The following PLEKHH1 variants were observed in gnomAD, a reference collection of about 807,000 sequenced individuals.
The protein encoded by PLEKHH1 is pleckstrin homology, MyTH4 and FERM domain containing H1, also known as pleckstrin homology domain-containing family H member 1.
In PLEKHH1, 104 loss-of-function variants were observed where a neutral mutation model predicts 160.0. The observed-to-expected ratio is 0.65, with a 90% confidence interval of 0.55 to 0.76. PLEKHH1 has a LOEUF of 0.76. PLEKHH1 is among the 30% of genes least tolerant of loss of function. PLEKHH1 has a pLI of 0.00. For synonymous variants in PLEKHH1, 619 were observed against 678.4 expected (o/e 0.91, Z 1.36); for missense variants, 1,427 against 1,724.1 (o/e 0.83, Z 3.05).
In PLEKHH1 at chr14:67,581,045, A is replaced by C. The variant is rs983521765; in HGVS notation, c.3284+7A>C. 4 of 1,581,776 alleles carry C rather than the reference A, an allele frequency of 2.5e-6. No homozygotes were observed. In the African/African-American group the frequency reaches 5.4e-5, roughly 21 times the overall value. Reference sequence around the variant, plus strand: ...AGCTGATGTACAAGAACAGGTCCTAAGCACTGCACGAGGGTGGGGCCAAAC... The same window carrying C: ...AGCTGATGTACAAGAACAGGTCCTACGCACTGCACGAGGGTGGGGCCAAAC... On this transcript the variant is annotated splice_region_variant and intron_variant, in intron 23 of 28. Transcript: ENST00000329153.
chr14:67,572,427 T>C (rs1455549126), intron 11 of PLEKHH1, 150 bp downstream of exon 11: 7 of 645,846 alleles, frequency 1.1e-5, no homozygotes, highest in Non-Finnish European at 1.6e-5. Flanking sequence ...TGGGGGGGTG[T>C]ACAGTTATGG....
At chr14:67,567,058 TG>T (rs2035133624) in intron 7 of PLEKHH1, among the ~76,000 whole-genome samples, 1 of 152,272 alleles carries the variant, frequency 6.6e-6, no homozygotes, top group Admixed American at 6.5e-5. Flanking sequence ...TCATCCTGTT[TG>T]CAATCCCCTT....
chr14:67,568,972 G>A, intron 7 of PLEKHH1, 166 bp from the exon 8 acceptor site: 2 of 589,376 alleles, frequency 3.4e-6, no homozygotes, highest in Non-Finnish European at 6.1e-6. Flanking sequence ...TAGAGCAGAG[G>A]AAAATGAGTC....
At position 67,582,288 on chromosome 14, in the gene PLEKHH1, G is replaced by A; in HGVS notation, c.3426+78G>A. On this transcript the variant is annotated intron_variant, in intron 24 of 28. Transcript: ENST00000329153. The surrounding 1 kb of genome is among the most constrained non-coding windows in gnomAD (Gnocchi z 5.0). ...GCACCATGCAGCCTGAAACACAGGAGAGATTCTGCAGATCCTGTGGTGCTC... is the reference window on the plus strand; with the variant it reads ...GCACCATGCAGCCTGAAACACAGGAAAGATTCTGCAGATCCTGTGGTGCTC... 6.2e-7 allele frequency: 1 copy of A among 1,604,494 alleles called. No homozygotes were observed. The highest frequency in any genetic ancestry group is 1.3e-5 in the African/African-American group (1 of 74,910).
Position 67,579,798 on chromosome 14 carries a change from A to G in PLEKHH1, c.3105A>G (p.Pro1035=). Residue 1035 remains proline, a synonymous_variant, in exon 22 of 29, where the codon CCA becomes CCG. Transcript: ENST00000329153. ...RLNQEIGMRK[P]SHSGFALFTD... ...ACCAGGAGATAGGCATGAGAAAGCC[A>G]TCCCACTCTGGCTTTGCCCTCTTCA... 6.2e-7 allele frequency: 1 copy of G among 1,611,678 alleles called. No individual in the cohort carries two copies. Among genetic ancestry groups the G allele is most frequent in the East Asian group, 2.2e-5 (1 of 44,846 alleles).
chr14:67,539,412 G>A (rs982147849), intron 1 of PLEKHH1, among the ~76,000 whole-genome samples: 9 of 152,290 alleles, frequency 5.9e-5, no homozygotes, highest in Admixed American at 2.0e-4. Flanking sequence ...TGTGTTCTGA[G>A]GAACCAAGAA....
chr14:67,571,219 G>A (rs2035359120), intron 9 of PLEKHH1: 1 of 158,840 alleles, frequency 6.3e-6, no homozygotes, highest in Middle Eastern at 3.1e-3. Context: ...GAGTTCTAGA[G>A]GTGGGATTTC....
chr14:67,586,744 AC>A, intron 28 of PLEKHH1: 1 of 1,220,398 alleles, frequency 8.2e-7, no homozygotes, highest in Non-Finnish European at 1.1e-6. Context: ...CTCCTTTAAT[AC>A]CACCCCTGCT....
Position 67,558,549 on chromosome 14 carries a change from G to C in PLEKHH1, c.340-1059G>C, listed in dbSNP as rs150646608. The stretch of plus-strand genomic sequence containing the variant: ...AGTTAGAAGTGGCAGCATCTTGGGG[G>C]TTGGTGGACAAAATGACTCCTGCTA... On this transcript the variant is annotated intron_variant, in intron 4 of 28. Coordinates refer to ENST00000329153, the MANE Select transcript of PLEKHH1 (RefSeq NM_020715.3). Among the ~76,000 whole-genome samples, 1,271 of 152,286 alleles carry C rather than the reference G, an allele frequency of 8.3e-3. 25 individuals are homozygous for C. The highest frequency in any genetic ancestry group is 0.029 in the African/African-American group (1,220 of 41,550).
intron 2 of PLEKHH1, among the ~76,000 whole-genome samples, chr14:67,552,864 C>A (rs1437818357): frequency 6.6e-6 from 1 of 151,932 alleles, no homozygotes. Flanking sequence ...TGGGAGGATA[C>A]CCCAGGGGAG....
chr14:67,580,182 C>T, intron 22 of PLEKHH1: 2 of 285,074 alleles, frequency 7.0e-6, no homozygotes, highest in Non-Finnish European at 1.3e-5. Context: ...CCCACGAAGC[C>T]ACTGCCTACA....
Position 67,573,886 on chromosome 14 carries a change from A to G in PLEKHH1, c.1925A>G (p.Gln642Arg). The G allele has an allele frequency of 1.2e-6, 2 of 1,608,130 alleles. No individual in the cohort carries two copies. Among genetic ancestry groups the G allele is most frequent in the South Asian group, 2.2e-5 (2 of 90,978 alleles). Reference sequence around the variant, plus strand: ...CGAGGGGAGGGTTCACAGACGTTTCAGGTGAGCACGCTCCTGGCTGCTAGT... The same window carrying G: ...CGAGGGGAGGGTTCACAGACGTTTCGGGTGAGCACGCTCCTGGCTGCTAGT... Reference protein sequence around the residue: ...IVRGEGSQTFQLISEKKTYYL... With the variant: ...IVRGEGSQTFRLISEKKTYYL... The change falls in exon 13 of 29, where the codon CAG becomes CGG. Residue 642 changes from glutamine to arginine, a missense_variant and splice_region_variant. Physicochemically the swap from Gln to Arg is conservative, Grantham distance 43. Coordinates refer to ENST00000329153, the MANE Select transcript of PLEKHH1 (RefSeq NM_020715.3). This position sits in a 1 kb window ranked among gnomAD's most constrained non-coding sequence, Gnocchi z 4.8.
Position 67,575,871 on chromosome 14 carries a change from G to A in PLEKHH1, c.2218G>A (p.Asp740Asn), listed in dbSNP as rs2035603938. The A allele has an allele frequency of 6.2e-7, 1 of 1,613,994 alleles. No individual in the cohort carries two copies. Among genetic ancestry groups the A allele is most frequent in the Non-Finnish European group, 8.5e-7 (1 of 1,179,870 alleles). The stretch of plus-strand genomic sequence containing the variant: ...GCGGGATGCGCACATAGAGGAAGTA[G>A]ATCGATCCTGTGACTCAGACGAGGA... The part of the protein sequence containing the change: ...PVRDAHIEEV[D>N]RSCDSDEDYE... The change falls in exon 16 of 29, where the codon GAT becomes AAT. Residue 740 changes from aspartate to asparagine, a missense_variant. Around this residue, in one of 6 missense-constraint regions of PLEKHH1, gnomAD observed 831 missense variants for 929.2 expected, o/e 0.89. Transcript: ENST00000329153.
chr14:67,579,572 C>A, intron 21 of PLEKHH1, 149 bp from the exon 22 acceptor site: 1 of 764,056 alleles, frequency 1.3e-6, no homozygotes, highest in Non-Finnish European at 2.1e-6. Flanking sequence ...TGCACTGGCC[C>A]TTTGCCTGTG....
chr14:67,543,437 A>G (rs2034051563), intron 2 of PLEKHH1, among the ~76,000 whole-genome samples: 1 of 152,200 alleles, frequency 6.6e-6, no homozygotes. Context: ...ATGAATATAC[A>G]TCAGGAAAGG....
In PLEKHH1 at chr14:67,575,823, C is replaced by T. The variant is rs751594076; in HGVS notation, c.2170C>T (p.Arg724Ter). The change falls in exon 16 of 29, where the codon CGA becomes TGA. Residue 724 changes from arginine (R) to a stop codon, truncating the protein, a stop_gained and splice_region_variant. Transcript: ENST00000329153. LOFTEE classifies it high-confidence loss of function. ...FYYYRSHEDK[R>*]PLGCLPVRDA... is the part of the protein sequence containing the mutation. ...ATTCATGGAAGACTGCTGTCCACAGCGACCCCTGGGCTGCCTGCCTGTGCG... is the reference window on the plus strand; with the variant it reads ...ATTCATGGAAGACTGCTGTCCACAGTGACCCCTGGGCTGCCTGCCTGTGCG... 5.6e-6 allele frequency: 9 copies of T among 1,611,340 alleles called. No individual in the cohort carries two copies. Among genetic ancestry groups the T allele is most frequent in the South Asian group, 3.3e-5 (3 of 90,652 alleles).
At chr14:67,581,716 T>C in intron 23 of PLEKHH1, 1 of 214,250 alleles carries the variant, frequency 4.7e-6, no homozygotes, top group Non-Finnish European at 9.5e-6. Context: ...ATCCCATCCC[T>C]CCATCTCAGT....
chr14:67,536,638 C>A (rs1308750856), intron 1 of PLEKHH1, among the ~76,000 whole-genome samples: 1 of 151,886 alleles, frequency 6.6e-6, no homozygotes, highest in Non-Finnish European at 1.5e-5. Flanking sequence ...TTGTAGGGAG[C>A]TACCAGGATA....
intron 28 of PLEKHH1, chr14:67,586,834 C>A: frequency 1.3e-6 from 2 of 1,483,654 alleles, no homozygotes; most frequent in Non-Finnish European, 1.8e-6. Context: ...GAACACTGGG[C>A]CTCCTTTTCT....
Sources: gnomAD v4.1 joint callset for allele counts (sites outside exome capture counted in the v4.1 genomes callset) on GRCh38, gnomAD v4.1.1 for gene constraint, gnomAD v4.1.1 regional missense constraint, Gnocchi (gnomAD v3.1) non-coding constraint, MANE v1.5 for transcripts, NCBI Gene and HGNC (gene_info 2026-07-23, HGNC 2026-07-21) for gene names.